Variants in PTPRD observed in about 807,000 individuals in gnomAD.
PTPRD encodes the protein receptor-type tyrosine-protein phosphatase delta.
PTPRD carries 34 observed loss-of-function variants against 214.5 expected under a neutral mutation model. The ratio of observed to expected loss-of-function variants is 0.16; its 90% CI spans 0.12 to 0.21. The LOEUF (loss-of-function observed/expected upper bound fraction) is 0.21, where lower values mean the gene tolerates loss of function less well. PTPRD is among the 10% of genes least tolerant of loss of function. PTPRD has a pLI of 1.00. For synonymous variants in PTPRD, 1,128 were observed against 845.7 expected (o/e 1.33, Z -5.79); for missense variants, 2,545 against 2,398.7 (o/e 1.06, Z -1.27).
intron 8 of PTPRD, among the ~76,000 whole-genome samples, chr9:9,453,697 T>C (rs2092586480): frequency 1.3e-5 from 2 of 151,768 alleles, no homozygotes; most frequent in South Asian, 2.1e-4. Context: ...TTAACAGATA[T>C]AAGTAACATA....
intron 8 of PTPRD, among the ~76,000 whole-genome samples, chr9:9,470,101 A>G (rs1157423701): frequency 6.6e-6 from 1 of 152,176 alleles, no homozygotes; most frequent in Non-Finnish European, 1.5e-5. Flanking sequence ...ATAAAGTGCC[A>G]GTGGTGGCCA....
intron 8 of PTPRD, among the ~76,000 whole-genome samples, chr9:9,476,590 A>G (rs965381648): frequency 2.6e-5 from 4 of 152,172 alleles, no homozygotes; most frequent in Admixed American, 6.5e-5. Context: ...CTTCACTGCT[A>G]GCATGTGGCC....
intron 5 of PTPRD, among the ~76,000 whole-genome samples, chr9:9,898,734 C>T (rs535333476): frequency 8.5e-5 from 13 of 152,130 alleles, no homozygotes; most frequent in African/African-American, 2.6e-4. Flanking sequence ...GTTTAAGAAA[C>T]CATATGCTGT....
At chr9:10,474,718 G>C (rs2099051836) in intron 2 of PTPRD, among the ~76,000 whole-genome samples, 1 of 151,894 alleles carries the variant, frequency 6.6e-6, no homozygotes. Context: ...CTCTAAAACA[G>C]ACCACATAAT....
intron 7 of PTPRD, 28 bp from the exon 8 acceptor site, chr9:9,574,809 T>C (rs2087838646): frequency 6.6e-6 from 1 of 152,140 alleles, no homozygotes; most frequent in Non-Finnish European, 1.5e-5. Context: ...AAAACATTCT[T>C]TATTAGTACT....
intron 6 of PTPRD, among the ~76,000 whole-genome samples, chr9:9,763,808 A>C (rs1432089209): frequency 2.0e-5 from 3 of 152,118 alleles, no homozygotes; most frequent in African/African-American, 7.2e-5. Flanking sequence ...TAAGTACTTT[A>C]ATTCCTTTTG....
At chr9:8,351,507 G>A (rs1479842396) in intron 39 of PTPRD, among the ~76,000 whole-genome samples, 1 of 151,598 alleles carries the variant, frequency 6.6e-6, no homozygotes, top group Admixed American at 6.6e-5. Flanking sequence ...CATAATTACA[G>A]TTCAATAAAG....
chr9:9,398,806 C>A (rs1172499590), intron 8 of PTPRD, among the ~76,000 whole-genome samples: 4 of 151,850 alleles, frequency 2.6e-5, no homozygotes, highest in Non-Finnish European at 5.9e-5. Flanking sequence ...TTGCTTTGGC[C>A]TATGAACGTG....
intron 11 of PTPRD, among the ~76,000 whole-genome samples, chr9:8,821,256 G>C (rs1279878060): frequency 6.6e-6 from 1 of 152,020 alleles, no homozygotes; most frequent in East Asian, 1.9e-4. Context: ...CTCTGGGTTT[G>C]GCCCATGTTT....
intron 3 of PTPRD, among the ~76,000 whole-genome samples, chr9:10,182,259 C>CA (rs3075574): frequency 0.12 from 6,589 of 54,130 alleles, 999 homozygotes; most frequent in African/African-American, 0.33. Context: ...GACTCTGCCT[C>CA]AAAAAAAAAA....
At chr9:10,120,304 G>A (rs931184823) in intron 3 of PTPRD, among the ~76,000 whole-genome samples, 5 of 151,502 alleles carry the variant, frequency 3.3e-5, no homozygotes, top group Non-Finnish European at 5.9e-5. Context: ...TTAGTTAAAT[G>A]GTTACTGAAA....
intron 7 of PTPRD, among the ~76,000 whole-genome samples, chr9:9,714,088 G>GAAAAA (rs2097778844): frequency 1.5e-5 from 1 of 65,358 alleles, no homozygotes; most frequent in Non-Finnish European, 2.7e-5. Flanking sequence ...GTTCACTTGC[G>GAAAAA]CAAAAAAAAA....
intron 3 of PTPRD, among the ~76,000 whole-genome samples, chr9:10,050,864 A>G (rs1223075842): frequency 1.3e-5 from 2 of 152,030 alleles, no homozygotes; most frequent in African/African-American, 2.4e-5. Flanking sequence ...TTAATTCTCT[A>G]TCTAACTATC....
intron 5 of PTPRD, among the ~76,000 whole-genome samples, chr9:9,892,515 G>A (rs2073702943): frequency 6.6e-6 from 1 of 152,114 alleles, no homozygotes; most frequent in Non-Finnish European, 1.5e-5. Context: ...AAATGATTCA[G>A]ATCATTGTGG....
At chr9:9,136,263 T>C (rs1260897492) in intron 10 of PTPRD, among the ~76,000 whole-genome samples, 2 of 151,334 alleles carry the variant, frequency 1.3e-5, no homozygotes, top group Non-Finnish European at 2.9e-5. Context: ...AAGTCTCTAA[T>C]TAACATCTTT....
At chr9:10,426,595 A>G (rs1587958543) in intron 2 of PTPRD, among the ~76,000 whole-genome samples, 2 of 152,066 alleles carry the variant, frequency 1.3e-5, no homozygotes, top group Admixed American at 6.6e-5. Flanking sequence ...TGGATAAGAT[A>G]GCAGTATAAC....
chr9:9,644,304 G>C (rs1461480934), intron 7 of PTPRD, among the ~76,000 whole-genome samples: 3 of 152,220 alleles, frequency 2.0e-5, no homozygotes, highest in Admixed American at 6.5e-5. Context: ...GAAGGAATCA[G>C]AACAGCAAGG....
intron 14 of PTPRD, among the ~76,000 whole-genome samples, chr9:8,589,883 G>A (rs1037029882): frequency 2.6e-5 from 4 of 152,132 alleles, no homozygotes; most frequent in South Asian, 2.1e-4. Context: ...AATTTCAAAC[G>A]TATATTTGCA....
chr9:8,922,729 A>T (rs1588089835), intron 11 of PTPRD, among the ~76,000 whole-genome samples: 1 of 151,730 alleles, frequency 6.6e-6, no homozygotes, highest in Non-Finnish European at 1.5e-5. Context: ...TCACCGCAAC[A>T]TCCGCCTCCC....
Sources: allele counts gnomAD v4.1 joint callset (sites outside exome capture counted in the v4.1 genomes callset), GRCh38; gene constraint gnomAD v4.1.1; transcripts MANE v1.5; gene names NCBI Gene and HGNC (gene_info 2026-07-23, HGNC 2026-07-21).